The following RYR2 variants were observed in gnomAD, a reference collection of about 807,000 sequenced individuals.
RYR2 encodes ryanodine receptor 2.
Under a neutral mutation model 601.1 loss-of-function variants are expected in RYR2, and 227 were observed. The ratio of observed to expected loss-of-function variants is 0.38; its 90% CI spans 0.34 to 0.42. The LOEUF (loss-of-function observed/expected upper bound fraction) is 0.42. Among genes scored for constraint, RYR2 ranks in the 10% least tolerant of loss-of-function variants. The pLI is 1.00. For missense variants in RYR2, 4,646 were observed against 6,156.5 expected (o/e 0.75, Z 8.21); for synonymous variants, 2,223 against 2,175.1 (o/e 1.02, Z -0.61).
intron 29 of RYR2, among the ~76,000 whole-genome samples, chr1:237,578,812 G>A (rs182932222): frequency 6.6e-6 from 1 of 152,012 alleles, no homozygotes; most frequent in East Asian, 1.9e-4. Context: ...CGCTCCCTCA[G>A]TGTCTCTTCC....
chr1:237,570,009 A>G (rs753312093), intron 29 of RYR2, among the ~76,000 whole-genome samples: 1 of 152,078 alleles, frequency 6.6e-6, no homozygotes, highest in Non-Finnish European at 1.5e-5. Context: ...CAAGGTCAGG[A>G]GTTCGAGACC....
chr1:237,678,065 A>G lies in RYR2; in HGVS notation c.8848A>G (p.Lys2950Glu). The G allele has an allele frequency of 6.2e-7, 1 of 1,603,702 alleles. No homozygotes were observed. Among genetic ancestry groups the G allele is most frequent in the Non-Finnish European group, 8.5e-7 (1 of 1,171,724 alleles). ...ILEFDGGSRG[K>E]GEHFPYEQEI... The stretch of plus-strand genomic sequence containing the variant: ...ATCTACAGATGGTGGCAGCAGAGGC[A>G]AAGGAGAACATTTCCCTTATGAACA... The change falls in exon 61 of 105, where the codon AAA (lysine) becomes GAA (glutamate). Residue 2950 changes from lysine to glutamate, a missense_variant. Lys to Glu is a moderately conservative substitution (Grantham distance 56). This residue lies in a region of RYR2 where 1,497 missense variants were observed against 1,842.6 expected (regional missense o/e 0.81). Transcript: ENST00000366574.
At chr1:237,385,287 CATACACAAA>C (rs1701879802) in intron 8 of RYR2, among the ~76,000 whole-genome samples, 1 of 152,110 alleles carries the variant, frequency 6.6e-6, no homozygotes, top group African/African-American at 2.4e-5. Flanking sequence ...TATGCATATA[CATACACAAA>C]ATACACAAAA....
chr1:237,359,873 T>C (rs1336435133), intron 4 of RYR2, among the ~76,000 whole-genome samples: 3 of 152,192 alleles, frequency 2.0e-5, no homozygotes, highest in Non-Finnish European at 2.9e-5. Flanking sequence ...TTCTAACCTA[T>C]ACCATTGGTT....
At chr1:237,768,307 T>C (rs1446023131) in intron 84 of RYR2, among the ~76,000 whole-genome samples, 3 of 152,178 alleles carry the variant, frequency 2.0e-5, no homozygotes, top group Non-Finnish European at 4.4e-5. Context: ...CTGCACCTAA[T>C]ATATTAACCT....
At chr1:237,695,578 G>A (rs1048912254) in intron 63 of RYR2, among the ~76,000 whole-genome samples, 3 of 152,078 alleles carry the variant, frequency 2.0e-5, no homozygotes, top group Non-Finnish European at 4.4e-5. Context: ...ACAAAACTCT[G>A]CTGGCCCTTC....
At chr1:237,398,029 G>A (rs2149910601) in intron 10 of RYR2, among the ~76,000 whole-genome samples, 1 of 152,192 alleles carries the variant, frequency 6.6e-6, no homozygotes, top group East Asian at 1.9e-4. Flanking sequence ...TCTATAATTT[G>A]GTATCTTGTT....
intron 27 of RYR2, among the ~76,000 whole-genome samples, chr1:237,563,464 AAAG>A (rs1283976171): frequency 8.2e-6 from 1 of 122,294 alleles, no homozygotes; most frequent in Non-Finnish European, 1.9e-5. Flanking sequence ...TAAAAAAGAA[AAAG>A]AAGAGTCCTT....
At chr1:237,204,535 C>T (rs955143867) in intron 1 of RYR2, among the ~76,000 whole-genome samples, 19 of 151,630 alleles carry the variant, frequency 1.3e-4, no homozygotes, top group Admixed American at 6.6e-5. Context: ...AAACTAGGGT[C>T]GAATCCTGCA....
chr1:237,631,656 G>C, intron 42 of RYR2, 115 bp downstream of exon 42: 1 of 477,466 alleles, frequency 2.1e-6, no homozygotes, highest in Non-Finnish European at 3.2e-6. Flanking sequence ...GGAGACAGAG[G>C]CTCACTCTGT....
chr1:237,452,027 G>A (rs1658199313), intron 14 of RYR2, among the ~76,000 whole-genome samples: 1 of 145,202 alleles, frequency 6.9e-6, no homozygotes, highest in Non-Finnish European at 1.5e-5. Context: ...TTGTCTTCAG[G>A]GAAGGGAGCT....
At position 237,546,995 on chromosome 1, in the gene RYR2, ATT is replaced by A. The variant is rs1491254882; in HGVS notation, c.2907-1434_2907-1433del. Among the ~76,000 whole-genome samples, 617 of 103,306 alleles carry A rather than the reference ATT, an allele frequency of 6.0e-3. 3 individuals are homozygous for A. Among genetic ancestry groups the A allele is most frequent in the African/African-American group, 0.017 (497 of 29,604 alleles). 67.8% of individuals were successfully genotyped at this position (103,306 alleles called of 152,430 possible). ...CAAAAGCATATATATATATATATAT[ATT>A]TATTTATTTATTTATTTATTTATTT... On this transcript the variant is annotated intron_variant, in intron 25 of 104. Coordinates refer to ENST00000366574, the MANE Select transcript of RYR2 (RefSeq NM_001035.3).
chr1:237,406,207 C>CCTTT (rs1458460425), intron 10 of RYR2, among the ~76,000 whole-genome samples: 13 of 75,416 alleles, frequency 1.7e-4, no homozygotes, highest in South Asian at 6.6e-4. Flanking sequence ...TCCCTCCCCT[C>CCTTT]CCTTCCCCTC....
At chr1:237,099,528 G>A (rs548345309) in intron 1 of RYR2, among the ~76,000 whole-genome samples, 1 of 152,292 alleles carries the variant, frequency 6.6e-6, no homozygotes, top group East Asian at 1.9e-4. Context: ...GTGAGCCACT[G>A]TACCCAGCCT....
At chr1:237,475,371 T>C (rs1453487159) in intron 17 of RYR2, among the ~76,000 whole-genome samples, 1 of 152,226 alleles carries the variant, frequency 6.6e-6, no homozygotes, top group African/African-American at 2.4e-5. Flanking sequence ...AATCTTTTAA[T>C]AAGCTAAAAT....
chr1:237,532,700 A>G (rs1057336536), intron 25 of RYR2, among the ~76,000 whole-genome samples: 1 of 152,216 alleles, frequency 6.6e-6, no homozygotes, highest in Non-Finnish European at 1.5e-5. Context: ...CTTTGACAGC[A>G]TAATACATTT....
intron 83 of RYR2, 138 bp from the exon 84 acceptor site, chr1:237,760,817 T>TGAATGGAGACATGTAAC (rs1388013934): frequency 3.1e-6 from 2 of 648,714 alleles, no homozygotes; most frequent in Non-Finnish European, 5.5e-6. Flanking sequence ...TGGTACGCAA[T>TGAATGGAGACATGTAAC]GAATGGAGAC....
chr1:237,582,205 C>T (rs1488754138), intron 29 of RYR2, among the ~76,000 whole-genome samples: 3 of 151,938 alleles, frequency 2.0e-5, no homozygotes, highest in African/African-American at 4.8e-5. Context: ...TGGGTTCAAG[C>T]GATTCTCCTG....
intron 10 of RYR2, among the ~76,000 whole-genome samples, chr1:237,412,435 C>T (rs1221906296): frequency 6.6e-6 from 1 of 152,126 alleles, no homozygotes; most frequent in East Asian, 1.9e-4. Context: ...TACTGTTGAA[C>T]AAGCTCATAC....
Sources: gnomAD v4.1 joint callset for allele counts (sites outside exome capture counted in the v4.1 genomes callset) on GRCh38, gnomAD v4.1.1 for gene constraint, gnomAD v4.1.1 regional missense constraint, MANE v1.5 for transcripts, NCBI Gene and HGNC (gene_info 2026-07-23, HGNC 2026-07-21) for gene names.